Variants in KIF1B observed in about 807,000 individuals in gnomAD.
KIF1B encodes the protein kinesin family member 1B.
In KIF1B, 76 loss-of-function variants were observed where a neutral mutation model predicts 241.9. That is an observed-to-expected ratio of 0.31 (90% confidence interval 0.26 to 0.38). The LOEUF is 0.38. Among genes scored for constraint, KIF1B ranks in the 10% least tolerant of loss-of-function variants. The probability of loss-of-function intolerance (pLI) is 1.00; values close to 1 mark genes in which losing one functional copy is unlikely to be tolerated. For missense variants in KIF1B, 1,622 were observed against 2,271.4 expected (o/e 0.71, Z 5.81); for synonymous variants, 750 against 796.7 (o/e 0.94, Z 0.99).
intron 22 of KIF1B, 57 bp downstream of exon 22, chr1:10,297,303 T>A: frequency 6.7e-7 from 1 of 1,490,794 alleles, no homozygotes; most frequent in Non-Finnish European, 9.4e-7. Context: ...TCCCATACTT[T>A]CCCTGTTCCA....
intron 1 of KIF1B, among the ~76,000 whole-genome samples, chr1:10,224,895 T>A (rs922900597): frequency 6.6e-6 from 1 of 152,186 alleles, no homozygotes; most frequent in Admixed American, 6.5e-5. Context: ...AGACGGTTTT[T>A]CCACAGACAG....
chr1:10,257,952 T>C (rs10735517), intron 3 of KIF1B, among the ~76,000 whole-genome samples: 151,232 of 152,348 alleles, frequency 0.99, 75,067 homozygotes, highest in Middle Eastern at 1. Context: ...GATGGGATTA[T>C]AGGCATGAGC....
At chr1:10,284,795 G>A (rs1040506136) in intron 15 of KIF1B, among the ~76,000 whole-genome samples, 4 of 152,092 alleles carry the variant, frequency 2.6e-5, no homozygotes, top group African/African-American at 4.8e-5. Context: ...CCAGGAGGCG[G>A]AGGTTACAGT....
intron 31 of KIF1B, among the ~76,000 whole-genome samples, chr1:10,339,374 A>T (rs546749036): frequency 6.6e-6 from 1 of 152,220 alleles, no homozygotes; most frequent in Non-Finnish European, 1.5e-5. Context: ...TTATGTAACT[A>T]TGCCATCCAC....
At chr1:10,298,969 C>G (rs1322822295) in intron 22 of KIF1B, 1 of 151,616 alleles carries the variant, frequency 6.6e-6, no homozygotes, top group Non-Finnish European at 1.5e-5. Flanking sequence ...AAGCACGGTG[C>G]TCGCTTCGGC....
chr1:10,219,227 C>A (rs1287236546), intron 1 of KIF1B, among the ~76,000 whole-genome samples: 2 of 151,800 alleles, frequency 1.3e-5, no homozygotes, highest in African/African-American at 4.8e-5. Context: ...TTTGGGAGGC[C>A]GAGGCTGGTG....
At chr1:10,372,655 GTGACAGAGCTGTCACC>G (rs1638770129) in intron 45 of KIF1B, among the ~76,000 whole-genome samples, 2 of 122,378 alleles carry the variant, frequency 1.6e-5, no homozygotes, top group African/African-American at 6.6e-5. Flanking sequence ...GCCAGCTTGG[GTGACAGAGCTGTCACC>G]CAAGCTGGCG....
chr1:10,286,957 T>G (rs895345513), intron 15 of KIF1B, among the ~76,000 whole-genome samples: 4 of 152,004 alleles, frequency 2.6e-5, no homozygotes, highest in Admixed American at 2.6e-4. Context: ...TAGAGTGGGG[T>G]ATGGGAAGCC....
chr1:10,285,833 C>A (rs1202234106), intron 15 of KIF1B, among the ~76,000 whole-genome samples: 1 of 152,150 alleles, frequency 6.6e-6, no homozygotes, highest in South Asian at 2.1e-4. Flanking sequence ...GTTCCTAAGG[C>A]ATGGTGCTGC....
At chr1:10,251,174 A>C (rs2102170841) in intron 2 of KIF1B, among the ~76,000 whole-genome samples, 1 of 152,258 alleles carries the variant, frequency 6.6e-6, no homozygotes, top group East Asian at 1.9e-4. Flanking sequence ...AAAAAAATAA[A>C]TAAATAAAAT....
chr1:10,267,472 T>C lies in KIF1B; in HGVS notation c.522T>C (p.Leu174=), dbSNP rs572314710. The C allele has an allele frequency of 1.7e-5, 28 of 1,614,216 alleles. No homozygotes were observed. In the South Asian group the frequency reaches 3.1e-4, roughly 18 times the overall value. ...TGCGTGTGCGTGAACACCCACTTCT[T>C]GGACCCTATGTGGAGGATCTGTCCA... ...GNLRVREHPL[L]GPYVEDLSKL... Residue 174 remains leucine, a synonymous_variant, in exon 6 of 49, where the codon CTT becomes CTC. Transcript: ENST00000676179.
intron 2 of KIF1B, among the ~76,000 whole-genome samples, chr1:10,254,567 T>C (rs1469458237): frequency 6.6e-6 from 1 of 152,112 alleles, no homozygotes; most frequent in Non-Finnish European, 1.5e-5. Context: ...CTGAAGTACA[T>C]AGTAAGATCT....
chr1:10,300,608 G>A (rs1196248617), intron 22 of KIF1B, among the ~76,000 whole-genome samples: 1 of 151,992 alleles, frequency 6.6e-6, no homozygotes, highest in South Asian at 2.1e-4. Context: ...TCATCCTTAA[G>A]CAATTTGAAG....
chr1:10,239,800 C>T (rs866711263), intron 2 of KIF1B, among the ~76,000 whole-genome samples: 1 of 151,172 alleles, frequency 6.6e-6, no homozygotes, highest in African/African-American at 2.4e-5. Context: ...GAGTCTTGCT[C>T]TGTCACCCAG....
intron 35 of KIF1B, among the ~76,000 whole-genome samples, chr1:10,346,976 C>T (rs1652612794): frequency 6.6e-6 from 1 of 152,166 alleles, no homozygotes. Flanking sequence ...AAATATCCCC[C>T]AGGGAGGGCA....
rs771855149 is a variant in KIF1B, at chr1:10,272,298, G to A, written c.856G>A (p.Ala286Thr). ...TTTGGGCAAAGTCATTTCAGCCTTGGCCGAGGTGGTAAGTTTTATACTTCA... is the reference window on the plus strand; with the variant it reads ...TTTGGGCAAAGTCATTTCAGCCTTGACCGAGGTGGTAAGTTTTATACTTCA... ...TTLGKVISAL[A>T]EVDNCTSKSK... Residue 286 changes from alanine to threonine, a missense_variant, in exon 9 of 49, where the codon GCC becomes ACC. By Grantham distance (58) the Ala-to-Thr change is moderately conservative. This residue lies in a region of KIF1B where 201 missense variants were observed against 301.2 expected (regional missense o/e 0.67). Coordinates refer to ENST00000676179, the MANE Select transcript of KIF1B (RefSeq NM_001365951.3). 3 of 1,603,542 alleles carry A rather than the reference G, an allele frequency of 1.9e-6. No homozygotes were observed. Among genetic ancestry groups the A allele is most frequent in the South Asian group, 2.2e-5 (2 of 90,850 alleles).
rs1430610094 is a variant in KIF1B, at chr1:10,379,099, T to C, written c.*2512T>C. 4.3e-6 allele frequency: 1 copy of C among 231,484 alleles called. No individual in the cohort carries two copies. The highest frequency in any genetic ancestry group is 8.6e-6 in the Non-Finnish European group (1 of 116,832). The allele number at this position is 231,484 out of a possible 1,614,324, so 14.3% of individuals were successfully genotyped here. The stretch of plus-strand genomic sequence containing the variant: ...TAATTTCAGGGAAATGAAGATGGAA[T>C]TTGAAGGTCACTTTTAAAATTAAGT... On this transcript the variant is annotated 3_prime_UTR_variant, in exon 49 of 49. Coordinates refer to ENST00000676179, the MANE Select transcript of KIF1B (RefSeq NM_001365951.3).
intron 37 of KIF1B, 71 bp from the exon 38 acceptor site, chr1:10,352,560 T>C: frequency 7.6e-7 from 1 of 1,322,846 alleles, no homozygotes; most frequent in Non-Finnish European, 1.1e-6. Flanking sequence ...AAAAGTCTCT[T>C]TTGGGCTTAA....
chr1:10,334,942 G>A (rs926376421), intron 28 of KIF1B, among the ~76,000 whole-genome samples: 37 of 141,250 alleles, frequency 2.6e-4, no homozygotes, highest in African/African-American at 9.5e-4. Context: ...TTGGTGTGTT[G>A]TTTTTTTTTT....
Sources: gnomAD v4.1 joint callset for allele counts (sites outside exome capture counted in the v4.1 genomes callset) on GRCh38, gnomAD v4.1.1 for gene constraint, gnomAD v4.1.1 regional missense constraint, MANE v1.5 for transcripts, NCBI Gene and HGNC (gene_info 2026-07-23, HGNC 2026-07-21) for gene names.